Variants in SRGAP1 observed in about 807,000 individuals in gnomAD.
SRGAP1 encodes SLIT-ROBO Rho GTPase-activating protein 1.
SRGAP1 carries 43 observed loss-of-function variants against 121.9 expected under a neutral mutation model. The ratio of observed to expected loss-of-function variants is 0.35; its 90% CI spans 0.28 to 0.46. SRGAP1 has a LOEUF of 0.46. SRGAP1 is among the 20% of genes least tolerant of loss of function. The probability of loss-of-function intolerance (pLI) is 1.00; values close to 1 mark genes in which losing one functional copy is unlikely to be tolerated. For missense variants in SRGAP1, 1,102 were observed against 1,350.9 expected (o/e 0.82, Z 2.89); for synonymous variants, 447 against 485.4 (o/e 0.92, Z 1.04).
Position 63,956,720 on chromosome 12 carries a change from C to CTTT in SRGAP1, c.68-27209_68-27207dup, listed in dbSNP as rs3067620. ...GCTTGTTGATGATCAGTAAGCAAGG[C>CTTT]TTTTTTTTTTTTTTTTTTTTGCAGC... On this transcript the variant is annotated intron_variant, in intron 1 of 21. Transcript: ENST00000355086. 6.3e-3 allele frequency among the ~76,000 whole-genome samples: 607 copies of CTTT among 96,918 alleles called. 20 individuals carry two copies. Among genetic ancestry groups the CTTT allele is most frequent in the African/African-American group, 0.018 (427 of 24,142 alleles). The allele number at this position is 96,918 out of a possible 152,430, so 63.6% of individuals were successfully genotyped here.
At chr12:63,867,802 T>C (rs1899690092) in intron 1 of SRGAP1, among the ~76,000 whole-genome samples, 1 of 151,712 alleles carries the variant, frequency 6.6e-6, no homozygotes, top group Non-Finnish European at 1.5e-5. Flanking sequence ...TCCAAATAAG[T>C]TGAAATTACT....
intron 1 of SRGAP1, among the ~76,000 whole-genome samples, chr12:63,925,621 G>A (rs1026639592): frequency 2.0e-5 from 3 of 152,130 alleles, no homozygotes; most frequent in Admixed American, 6.5e-5. Context: ...CAGATACCAC[G>A]TGTTAATATC....
intron 4 of SRGAP1, among the ~76,000 whole-genome samples, chr12:64,030,075 T>C (rs1010815285): frequency 6.6e-6 from 1 of 152,204 alleles, no homozygotes; most frequent in African/African-American, 2.4e-5. Context: ...ATTTATTTCA[T>C]GTCGAAATCT....
chr12:63,868,704 T>G (rs1394050298), intron 1 of SRGAP1, among the ~76,000 whole-genome samples: 1 of 152,088 alleles, frequency 6.6e-6, no homozygotes, highest in East Asian at 1.9e-4. Context: ...CCTATTTTAA[T>G]AGGGGGAGAG....
intron 8 of SRGAP1, among the ~76,000 whole-genome samples, chr12:64,078,126 A>T (rs1414194724): frequency 2.6e-5 from 4 of 152,348 alleles, no homozygotes; most frequent in African/African-American, 9.6e-5. Flanking sequence ...GATGTGGAAT[A>T]GCAGGGATTC....
chr12:64,041,338 GAA>G, intron 4 of SRGAP1, among the ~76,000 whole-genome samples: 1 of 151,664 alleles, frequency 6.6e-6, no homozygotes, highest in South Asian at 2.1e-4. Flanking sequence ...TTTAAAGAGA[GAA>G]ATCATATATG....
At chr12:64,024,385 T>G (rs550918993) in intron 4 of SRGAP1, among the ~76,000 whole-genome samples, 3 of 152,308 alleles carry the variant, frequency 2.0e-5, no homozygotes, top group South Asian at 4.1e-4. Context: ...GAGCCATGAT[T>G]GCGCTACTGC....
intron 3 of SRGAP1, among the ~76,000 whole-genome samples, chr12:63,991,415 C>T (rs1565626215): frequency 6.6e-6 from 1 of 152,148 alleles, no homozygotes; most frequent in Non-Finnish European, 1.5e-5. Flanking sequence ...GGGAATTTAG[C>T]AAGCTCTAAG....
intron 1 of SRGAP1, among the ~76,000 whole-genome samples, chr12:63,977,120 G>A (rs865925979): frequency 1.3e-5 from 2 of 151,964 alleles, no homozygotes; most frequent in Non-Finnish European, 2.9e-5. Context: ...TTTGCACCTG[G>A]TGTTTAGTTA....
chr12:63,934,086 G>A (rs2031574676), intron 1 of SRGAP1, among the ~76,000 whole-genome samples: 1 of 151,998 alleles, frequency 6.6e-6, no homozygotes, highest in Non-Finnish European at 1.5e-5. Flanking sequence ...TCGTCCTTTT[G>A]CCCTGAGATA....
rs942677212 is a variant in SRGAP1 at position 63,870,601 on chromosome 12, G to A, written c.67+25718G>A. On this transcript the variant is annotated intron_variant, in intron 1 of 21. Transcript: ENST00000355086. ...TGCCCAGGCTGGAGTGCAATGGTGC[G>A]ATCTCAGCTGTCAGTGCAACCTCCG... 1.5e-4 allele frequency among the ~76,000 whole-genome samples: 22 copies of A among 145,684 alleles called. 1 individual carries two copies. Among genetic ancestry groups the A allele is most frequent in the African/African-American group, 4.9e-4 (19 of 38,914 alleles).
intron 1 of SRGAP1, among the ~76,000 whole-genome samples, chr12:63,971,681 T>C (rs1472668032): frequency 6.6e-6 from 1 of 152,176 alleles, no homozygotes; most frequent in East Asian, 1.9e-4. Flanking sequence ...ATATCTGACA[T>C]TTTAAAGCTA....
chr12:63,996,316 T>C (rs1045093148), intron 3 of SRGAP1, among the ~76,000 whole-genome samples: 1 of 152,134 alleles, frequency 6.6e-6, no homozygotes, highest in Non-Finnish European at 1.5e-5. Context: ...GCCATTTTCA[T>C]ATAGAATATT....
At chr12:63,920,834 A>G (rs536521442) in intron 1 of SRGAP1, among the ~76,000 whole-genome samples, 1 of 152,294 alleles carries the variant, frequency 6.6e-6, no homozygotes, top group East Asian at 1.9e-4. Context: ...GAGAATGTAG[A>G]TCCATTGACG....
chr12:64,034,973 A>G lies in SRGAP1; in HGVS notation c.490-7817A>G, dbSNP rs112860808. The stretch of plus-strand genomic sequence containing the variant: ...GAAGGTGGGTTTGTGAAAGTTTATC[A>G]TTGTAACAGTCCTGCTGGCCACTCA... On this transcript the variant is annotated intron_variant, in intron 4 of 21. Coordinates refer to ENST00000355086, the MANE Select transcript of SRGAP1 (RefSeq NM_020762.4). Among the ~76,000 whole-genome samples, 1,308 of 151,962 alleles carry G rather than the reference A, an allele frequency of 8.6e-3. 19 individuals carry two copies. Among genetic ancestry groups the G allele is most frequent in the African/African-American group, 0.03 (1,229 of 41,414 alleles).
At chr12:63,973,430 G>C (rs1166386742) in intron 1 of SRGAP1, among the ~76,000 whole-genome samples, 1 of 152,066 alleles carries the variant, frequency 6.6e-6, no homozygotes, top group African/African-American at 2.4e-5. Context: ...ATCATACTTT[G>C]AACAAAATAC....
At chr12:64,060,136 C>CT (rs971472826) in intron 6 of SRGAP1, among the ~76,000 whole-genome samples, 24 of 148,266 alleles carry the variant, frequency 1.6e-4, no homozygotes, top group African/African-American at 4.4e-4. Context: ...TCCTGCATTT[C>CT]TTTTTTTTTC....
At chr12:64,006,740 G>C (rs977804670) in intron 3 of SRGAP1, among the ~76,000 whole-genome samples, 1 of 152,024 alleles carries the variant, frequency 6.6e-6, no homozygotes, top group South Asian at 2.1e-4. Context: ...CCTTCAAAAA[G>C]TTCTTATTAT....
In SRGAP1 at chr12:64,153,835, G is replaced by A. The variant is rs2136666430; in HGVS notation, c.*11163G>A. ...ATATCCAAAAGAATTGAAAACAGAA[G>A]AGATATTTGCACACTCATGTTCACG... is the stretch of plus-strand genomic sequence containing the variant. On this transcript the variant is annotated 3_prime_UTR_variant, in exon 22 of 22. Coordinates refer to ENST00000355086, the MANE Select transcript of SRGAP1 (RefSeq NM_020762.4). 6.6e-6 allele frequency: 1 copy of A among 152,306 alleles called. No individual in the cohort carries two copies. The highest frequency in any genetic ancestry group is 1.9e-4 in the East Asian group (1 of 5,186). 9.4% of individuals were successfully genotyped at this position (152,306 alleles called of 1,614,324 possible).
Sources: gnomAD v4.1 joint callset for allele counts (sites outside exome capture counted in the v4.1 genomes callset) on GRCh38, gnomAD v4.1.1 for gene constraint, MANE v1.5 for transcripts, NCBI Gene and HGNC (gene_info 2026-07-23, HGNC 2026-07-21) for gene names.